CAMKV: variants seen among roughly 807,000 people sequenced by gnomAD.
CAMKV encodes the protein CaM kinase like vesicle associated, also known as caM kinase-like vesicle-associated protein.
A neutral mutation model predicts 50.2 loss-of-function variants in CAMKV; 5 were observed. The ratio of observed to expected loss-of-function variants is 0.10; its 90% CI spans 0.05 to 0.21. CAMKV has a LOEUF of 0.21. Among genes scored for constraint, CAMKV ranks in the 10% least tolerant of loss-of-function variants. CAMKV has a pLI of 1.00. For synonymous variants in CAMKV, 229 were observed against 250.1 expected (o/e 0.92, Z 0.80); for missense variants, 361 against 650.5 (o/e 0.55, Z 4.84).
intron 1 of CAMKV, chr3:49,863,552 A>G (rs1336988668): frequency 3.9e-5 from 6 of 152,316 alleles, no homozygotes; most frequent in East Asian, 1.9e-4. Context: ...ACTAATGCCA[A>G]ACTTAGTGTA....
intron 1 of CAMKV, among the ~76,000 whole-genome samples, chr3:49,867,422 G>A (rs772993244): frequency 3.3e-5 from 5 of 152,192 alleles, no homozygotes; most frequent in Non-Finnish European, 7.3e-5. Context: ...GCTACATCCC[G>A]AAAGTTTAGC....
At chr3:49,865,524 T>A (rs368288196) in intron 1 of CAMKV, among the ~76,000 whole-genome samples, 198 of 152,188 alleles carry the variant, frequency 1.3e-3, no homozygotes, top group Middle Eastern at 0.01. Context: ...TTAAAAAAAA[T>A]TCAGCAACTA....
intron 1 of CAMKV, among the ~76,000 whole-genome samples, chr3:49,863,145 A>G (rs1377368003): frequency 1.3e-5 from 2 of 152,268 alleles, no homozygotes; most frequent in Non-Finnish European, 2.9e-5. Flanking sequence ...AAAGACACAA[A>G]AGAATACATA....
chr3:49,860,328 A>T lies in CAMKV; in HGVS notation c.855-70T>A, dbSNP rs1167619942. ...TGTGGAGACTCTGCTCAGCCCTTCT[A>T]TGTGGCATCCAGGGACTACCAGGCA... On this transcript the variant is annotated intron_variant, in intron 9 of 10. Coordinates refer to ENST00000477224, the MANE Select transcript of CAMKV (RefSeq NM_024046.5). This position sits in a 1 kb window ranked among gnomAD's most constrained non-coding sequence, Gnocchi z 6.1. The T allele has an allele frequency of 4.5e-6, 7 of 1,553,802 alleles. No homozygotes were observed. The highest frequency in any genetic ancestry group is 6.2e-6 in the Non-Finnish European group (7 of 1,126,030).
At position 49,861,759 on chromosome 3, in the gene CAMKV, G is replaced by A. The variant is rs2082023655; in HGVS notation, c.302+32C>T. 1 of 1,610,678 alleles carries A rather than the reference G, an allele frequency of 6.2e-7. No individual in the cohort carries two copies. The highest frequency in any genetic ancestry group is 1.1e-5 in the South Asian group (1 of 90,960). ...GGGACAGGTGAAAGCCCTGGGCGCT[G>A]GGGAATCTTGGGTCCCCAGACCCAC... On this transcript the variant is annotated intron_variant, in intron 4 of 10. Transcript: ENST00000477224. The surrounding 1 kb of genome is among the most constrained non-coding windows in gnomAD (Gnocchi z 7.7).
intron 1 of CAMKV, among the ~76,000 whole-genome samples, chr3:49,866,869 C>T (rs1025168635): frequency 3.3e-5 from 5 of 152,224 alleles, no homozygotes; most frequent in Non-Finnish European, 5.9e-5. Flanking sequence ...TCCCCTCCTC[C>T]GCTGAGATCA....
At chr3:49,863,536 C>T (rs1173419944) in intron 1 of CAMKV, 1 of 152,252 alleles carries the variant, frequency 6.6e-6, no homozygotes, top group Non-Finnish European at 1.5e-5. Flanking sequence ...CCCAGGAAGT[C>T]ACCATACTAA....
Position 49,862,278 on chromosome 3 carries a change from C to T in CAMKV, c.95+16G>A, listed in dbSNP as rs372141034. 6.2e-7 allele frequency: 1 copy of T among 1,613,716 alleles called. No individual in the cohort carries two copies. Among genetic ancestry groups the T allele is most frequent in the South Asian group, 1.1e-5 (1 of 91,084 alleles). Reference sequence around the variant, plus strand: ...CACCAGCCCACCCAGCCTTGCCTGACAGGCCCGGCACTCACGTCTTGATGA... The same window carrying T: ...CACCAGCCCACCCAGCCTTGCCTGATAGGCCCGGCACTCACGTCTTGATGA... On this transcript the variant is annotated intron_variant, in intron 2 of 10. Transcript: ENST00000477224. This position sits in a 1 kb window ranked among gnomAD's most constrained non-coding sequence, Gnocchi z 5.2.
chr3:49,865,463 C>T (rs1287317557), intron 1 of CAMKV, among the ~76,000 whole-genome samples: 1 of 152,152 alleles, frequency 6.6e-6, no homozygotes, highest in African/African-American at 2.4e-5. Context: ...GCCCTTCCCC[C>T]AAAAGCCTCC....
chr3:49,858,485 G>A lies in CAMKV; in HGVS notation c.*833C>T, dbSNP rs1488693401. 5.0e-6 allele frequency: 2 copies of A among 396,352 alleles called. No individual in the cohort carries two copies. Among genetic ancestry groups the A allele is most frequent in the African/African-American group, 4.1e-5 (2 of 48,572 alleles). The allele number at this position is 396,352 out of a possible 1,614,324, so 24.6% of individuals were successfully genotyped here. On this transcript the variant is annotated 3_prime_UTR_variant, in exon 11 of 11. Transcript: ENST00000477224. ...TATCAGCCCTCCCTGTTTGGCCCAG[G>A]GTAAGGACCCAGTAAGGCTGGGACA...
rs1345108220 is a variant in CAMKV, at chr3:49,869,536, C to T, written c.-15+222G>A. On this transcript the variant is annotated intron_variant, in intron 1 of 10. Transcript: ENST00000477224. This position sits in a 1 kb window ranked among gnomAD's most constrained non-coding sequence, Gnocchi z 5.2. ...ACAATTCCGAGCCGCAGAAGCTTCC[C>T]CCCAGAACCCCCAAGCCGTCCGAGG... is the stretch of plus-strand genomic sequence containing the variant. 1.3e-5 allele frequency among the ~76,000 whole-genome samples: 2 copies of T among 152,128 alleles called. No homozygotes were observed. The highest frequency in any genetic ancestry group is 2.9e-5 in the Non-Finnish European group (2 of 68,010).
At chr3:49,867,308 G>A (rs1457934272) in intron 1 of CAMKV, among the ~76,000 whole-genome samples, 3 of 152,244 alleles carry the variant, frequency 2.0e-5, no homozygotes, top group Non-Finnish European at 4.4e-5. Flanking sequence ...CCTCCGGCTC[G>A]AGCTAAATCA....
At chr3:49,867,321 G>T (rs2082073309) in intron 1 of CAMKV, among the ~76,000 whole-genome samples, 1 of 152,252 alleles carries the variant, frequency 6.6e-6, no homozygotes, top group Non-Finnish European at 1.5e-5. Flanking sequence ...CTAAATCATG[G>T]TAGAAGTTCC....
chr3:49,865,661 T>C (rs2082058611), intron 1 of CAMKV, among the ~76,000 whole-genome samples: 1 of 152,128 alleles, frequency 6.6e-6, no homozygotes, highest in African/African-American at 2.4e-5. Flanking sequence ...ATGAGCGAGG[T>C]GCTGAGAGCA....
chr3:49,859,448 G>T lies in CAMKV; in HGVS notation c.1376C>A (p.Thr459Asn), dbSNP rs1341226202. 1 of 1,613,828 alleles carries T rather than the reference G, an allele frequency of 6.2e-7. No homozygotes were observed. Among genetic ancestry groups the T allele is most frequent in the African/African-American group, 1.3e-5 (1 of 75,064 alleles). Residue 459 changes from threonine (T) to asparagine (N), a missense_variant, in exon 11 of 11, where the codon ACC becomes AAC. This residue lies in a region of CAMKV where 75 missense variants were observed against 84.2 expected (regional missense o/e 0.89). Coordinates refer to ENST00000477224, the MANE Select transcript of CAMKV (RefSeq NM_024046.5). This position sits in a 1 kb window ranked among gnomAD's most constrained non-coding sequence, Gnocchi z 5.5. ...SAMLATKAAA[T>N]PEPAMAQPDS... ...CGGCTGGGCCATAGCCGGCTCAGGG[G>T]TGGCAGCTGCCTTGGTGGCCAGCAT... is the stretch of plus-strand genomic sequence containing the variant.
rs376449925 is a variant in CAMKV at position 49,862,284 on chromosome 3, C to T, written c.95+10G>A. On this transcript the variant is annotated intron_variant, in intron 2 of 10. Transcript: ENST00000477224. This position sits in a 1 kb window ranked among gnomAD's most constrained non-coding sequence, Gnocchi z 5.2. The stretch of plus-strand genomic sequence containing the variant: ...CCCACCCAGCCTTGCCTGACAGGCC[C>T]GGCACTCACGTCTTGATGACCTGTC... The T allele has an allele frequency of 5.3e-5, 86 of 1,613,988 alleles. No individual in the cohort carries two copies. Among genetic ancestry groups the T allele is most frequent in the East Asian group, 2.7e-4 (12 of 44,890 alleles).
In CAMKV at chr3:49,861,838, C is replaced by A. The variant is rs2082024345; in HGVS notation, c.255G>T (p.Leu85=). Residue 85 remains leucine (L), a synonymous_variant, in exon 4 of 11, where the codon CTG becomes CTT. Coordinates refer to ENST00000477224, the MANE Select transcript of CAMKV (RefSeq NM_024046.5). This position sits in a 1 kb window ranked among gnomAD's most constrained non-coding sequence, Gnocchi z 7.7. ...CCTTGCGGGTCACAAACACATCCAC[C>A]AGCTGTAGGATGTTGGGATGCTTCA... ...KMVKHPNILQ[L]VDVFVTRKEY... is the part of the protein sequence containing the mutation. 1 of 1,613,888 alleles carries A rather than the reference C, an allele frequency of 6.2e-7. No homozygotes were observed. Among genetic ancestry groups the A allele is most frequent in the Non-Finnish European group, 8.5e-7 (1 of 1,179,884 alleles).
At position 49,858,201 on chromosome 3, in the gene CAMKV, G is replaced by A; in HGVS notation, c.*1117C>T. On this transcript the variant is annotated 3_prime_UTR_variant, in exon 11 of 11. Coordinates refer to ENST00000477224, the MANE Select transcript of CAMKV (RefSeq NM_024046.5). ...GTCAGGAGCCTCCCTCAGGAAACTG[G>A]GGAGTTTAACCCTACTTCCTCATCC... 1 of 398,322 alleles carries A rather than the reference G, an allele frequency of 2.5e-6. No individual in the cohort carries two copies. The highest frequency in any genetic ancestry group is 4.4e-6 in the Non-Finnish European group (1 of 225,986). The allele number at this position is 398,322 out of a possible 1,614,324, so 24.7% of individuals were successfully genotyped here.
At position 49,858,528 on chromosome 3, in the gene CAMKV, A is replaced by C; in HGVS notation, c.*790T>G. The C allele has an allele frequency of 2.5e-6, 1 of 395,328 alleles. No homozygotes were observed. The highest frequency in any genetic ancestry group is 4.4e-6 in the Non-Finnish European group (1 of 224,736). The allele number at this position is 395,328 out of a possible 1,614,324, so 24.5% of individuals were successfully genotyped here. The stretch of plus-strand genomic sequence containing the variant: ...CTGGGACACTGGGTGCTGGGCTTGT[A>C]CTCTGCCCTGCCAGGTCTCATTGCC... On this transcript the variant is annotated 3_prime_UTR_variant, in exon 11 of 11. Transcript: ENST00000477224.
Sources: gnomAD v4.1 joint callset for allele counts (sites outside exome capture counted in the v4.1 genomes callset) on GRCh38, gnomAD v4.1.1 for gene constraint, gnomAD v4.1.1 regional missense constraint, Gnocchi (gnomAD v3.1) non-coding constraint, MANE v1.5 for transcripts, NCBI Gene and HGNC (gene_info 2026-07-23, HGNC 2026-07-21) for gene names.